Variants in TANGO6 observed in about 807,000 individuals in gnomAD.
TANGO6 encodes the protein transport and Golgi organization protein 6 homolog.
In TANGO6, 90 loss-of-function variants were observed where a neutral mutation model predicts 114.2. The ratio of observed to expected loss-of-function variants is 0.79; its 90% CI spans 0.66 to 0.94. The LOEUF is 0.94. Among genes scored for constraint, TANGO6 ranks in the 40% least tolerant of loss-of-function variants. TANGO6 has a pLI of 0.00. For synonymous variants in TANGO6, 477 were observed against 509.8 expected (o/e 0.94, Z 0.87); for missense variants, 1,274 against 1,315.3 (o/e 0.97, Z 0.49).
At chr16:68,876,125 A>C (rs1962353803) in intron 5 of TANGO6, among the ~76,000 whole-genome samples, 1 of 152,090 alleles carries the variant, frequency 6.6e-6, no homozygotes, top group African/African-American at 2.4e-5. Context: ...GCATACACAC[A>C]TACATTAACA....
intron 11 of TANGO6, among the ~76,000 whole-genome samples, chr16:68,916,617 A>G (rs1796355003): frequency 6.6e-6 from 1 of 151,916 alleles, no homozygotes; most frequent in African/African-American, 2.4e-5. Flanking sequence ...TCCATTCTTT[A>G]CTTACTAGAA....
intron 17 of TANGO6, among the ~76,000 whole-genome samples, chr16:69,072,284 T>C (rs1365713431): frequency 6.6e-6 from 1 of 152,054 alleles, no homozygotes; most frequent in East Asian, 1.9e-4. Flanking sequence ...GTGAAAGTGT[T>C]TGTTTCAACC....
chr16:68,907,445 A>G lies in TANGO6; in HGVS notation c.1670A>G (p.Asp557Gly), dbSNP rs759092524. ...ATAAATTTTACCCTGCATTGCAGTG[A>G]TGAAGATGAAGATGAAGCCCTGTAC... ...IMITIKEAIS[D>G]EDEDEALYQK... Residue 557 changes from aspartate (D) to glycine (G), a missense_variant and splice_region_variant, in exon 10 of 18, where the codon GAT becomes GGT. Physicochemically the swap from Asp to Gly is moderately conservative, Grantham distance 94. This residue lies in a region of TANGO6 where 908 missense variants were observed against 910.2 expected (regional missense o/e 1.00). Coordinates refer to ENST00000261778, the MANE Select transcript of TANGO6 (RefSeq NM_024562.2). The G allele has an allele frequency of 6.3e-7, 1 of 1,593,628 alleles. No homozygotes were observed. The highest frequency in any genetic ancestry group is 1.9e-5 in the Admixed American group (1 of 53,454).
intron 4 of TANGO6, among the ~76,000 whole-genome samples, chr16:68,869,640 C>T (rs1962235990): frequency 6.6e-6 from 1 of 152,188 alleles, no homozygotes; most frequent in Non-Finnish European, 1.5e-5. Flanking sequence ...AACACTTTGC[C>T]TTTTTTGTGT....
At chr16:69,046,063 C>CAAAAAAAAAAAAAAAAAAAAAAAAAA (rs61017260) in intron 17 of TANGO6, among the ~76,000 whole-genome samples, 1 of 95,956 alleles carries the variant, frequency 1.0e-5, no homozygotes, top group African/African-American at 4.4e-5. Context: ...GACTCCAACT[C>CAAAAAAAAAAAAAAAAAAAAAAAAAA]AAAAAAAAAA....
At chr16:68,847,377 T>G (rs1352699076) in intron 1 of TANGO6, among the ~76,000 whole-genome samples, 1 of 152,154 alleles carries the variant, frequency 6.6e-6, no homozygotes, top group East Asian at 1.9e-4. Flanking sequence ...CATAGCATAC[T>G]AGGAACTGCT....
At chr16:69,040,512 C>T in intron 17 of TANGO6, 91 bp downstream of exon 17, 1 of 1,037,166 alleles carries the variant, frequency 9.6e-7, no homozygotes, top group Non-Finnish European at 1.4e-6. Flanking sequence ...CCTCAAACCT[C>T]TTTCCTCGAT....
At chr16:69,056,781 C>T (rs2152238837) in intron 17 of TANGO6, among the ~76,000 whole-genome samples, 1 of 152,196 alleles carries the variant, frequency 6.6e-6, no homozygotes, top group East Asian at 1.9e-4. Context: ...ATTAGCAATG[C>T]AAGTTACCAG....
intron 6 of TANGO6, among the ~76,000 whole-genome samples, chr16:68,880,221 C>G (rs1477037401): frequency 6.6e-6 from 1 of 152,110 alleles, no homozygotes; most frequent in Non-Finnish European, 1.5e-5. Flanking sequence ...ATCCGCCTGC[C>G]TTGGCCTCCC....
At chr16:69,059,098 G>A (rs145045224) in intron 17 of TANGO6, among the ~76,000 whole-genome samples, 2,577 of 148,164 alleles carry the variant, frequency 0.017, 84 homozygotes, top group African/African-American at 0.059. Flanking sequence ...TTTTTGAGAC[G>A]GAGTCTTGCT....
chr16:69,018,139 C>CTTTTT lies in TANGO6; in HGVS notation c.2843-4671_2843-4667dup, dbSNP rs34796579. On this transcript the variant is annotated intron_variant, in intron 15 of 17. Coordinates refer to ENST00000261778, the MANE Select transcript of TANGO6 (RefSeq NM_024562.2). ...CACCATGCCCAGCCGTTGGAAATCTCTTTTTTTTTTTTTTTTTTTTTTGAG... is the reference window on the plus strand; with the variant it reads ...CACCATGCCCAGCCGTTGGAAATCTCTTTTTTTTTTTTTTTTTTTTTTTTTTTGAG... Among the ~76,000 whole-genome samples, 262 of 77,074 alleles carry CTTTTT rather than the reference C, an allele frequency of 3.4e-3. 23 individuals carry two copies. Among genetic ancestry groups the CTTTTT allele is most frequent in the African/African-American group, 0.011 (231 of 21,522 alleles). 50.6% of individuals were successfully genotyped at this position (77,074 alleles called of 152,430 possible).
At position 68,902,496 on chromosome 16, in the gene TANGO6, G is replaced by A. The variant is rs772448487; in HGVS notation, c.1659G>A (p.Glu553=). 36 of 1,610,450 alleles carry A rather than the reference G, an allele frequency of 2.2e-5. No homozygotes were observed. The South Asian group carries it at 2.7e-4, about 12-fold the overall frequency. The change falls in exon 9 of 18, where the codon GAG becomes GAA. Residue 553 remains glutamate, a synonymous_variant. Transcript: ENST00000261778. ...GTGGCATTATGATTACCATCAAAGAGGCCATTAGGTGAGTCCACCCATCCG... is the reference window on the plus strand; with the variant it reads ...GTGGCATTATGATTACCATCAAAGAAGCCATTAGGTGAGTCCACCCATCCG... ...TQGGIMITIK[E]AISDEDEDEA...
At chr16:68,922,398 T>C (rs894974816) in intron 12 of TANGO6, among the ~76,000 whole-genome samples, 1 of 151,920 alleles carries the variant, frequency 6.6e-6, no homozygotes, top group Non-Finnish European at 1.5e-5. Context: ...CAGCCGGGCT[T>C]GGTGGCGCGT....
chr16:68,996,901 A>G (rs1963996118), intron 15 of TANGO6, among the ~76,000 whole-genome samples: 1 of 152,236 alleles, frequency 6.6e-6, no homozygotes, highest in Non-Finnish European at 1.5e-5. Flanking sequence ...AAAGAAGATT[A>G]AAATTCAAAG....
chr16:69,003,004 T>C (rs927031030), intron 15 of TANGO6, among the ~76,000 whole-genome samples: 1 of 151,698 alleles, frequency 6.6e-6, no homozygotes, highest in African/African-American at 2.4e-5. Context: ...ATGGTGCCAC[T>C]ACACTCCAGC....
chr16:69,043,158 G>A (rs1161582553), intron 17 of TANGO6, among the ~76,000 whole-genome samples: 2 of 152,086 alleles, frequency 1.3e-5, no homozygotes, highest in Non-Finnish European at 2.9e-5. Flanking sequence ...CCGGGGAGGC[G>A]GAGGTTGCAG....
At chr16:69,055,641 G>T (rs1960021230) in intron 17 of TANGO6, among the ~76,000 whole-genome samples, 1 of 152,226 alleles carries the variant, frequency 6.6e-6, no homozygotes, top group African/African-American at 2.4e-5. Flanking sequence ...TCAGGCTGGG[G>T]CCAGTGCCTA....
At chr16:69,068,830 C>G (rs1597078906) in intron 17 of TANGO6, among the ~76,000 whole-genome samples, 1 of 152,208 alleles carries the variant, frequency 6.6e-6, no homozygotes, top group Admixed American at 6.5e-5. Flanking sequence ...TCTTCTGCCT[C>G]AGCCTCCCGT....
chr16:68,853,332 T>G (rs1439443224), intron 1 of TANGO6, among the ~76,000 whole-genome samples: 1 of 151,184 alleles, frequency 6.6e-6, no homozygotes, highest in Non-Finnish European at 1.5e-5. Flanking sequence ...AAGATACACA[T>G]TGTTACTTCC....
Sources: allele counts gnomAD v4.1 joint callset (sites outside exome capture counted in the v4.1 genomes callset), GRCh38; gene constraint gnomAD v4.1.1; regional missense constraint gnomAD v4.1.1; transcripts MANE v1.5; gene names NCBI Gene and HGNC (gene_info 2026-07-23, HGNC 2026-07-21).